Variants in POU6F2 observed in about 807,000 individuals in gnomAD.
POU6F2 encodes the protein POU class 6 homeobox 2.
POU6F2 carries 31 observed loss-of-function variants against 71.3 expected under a neutral mutation model. The observed-to-expected ratio is 0.43, with a 90% CI of 0.33 to 0.59. The LOEUF is 0.59. Among genes scored for constraint, POU6F2 ranks in the 20% least tolerant of loss-of-function variants. The pLI is 0.04. For missense variants in POU6F2, 783 were observed against 856.8 expected (o/e 0.91, Z 1.07); for synonymous variants, 347 against 355.7 (o/e 0.98, Z 0.27).
intron 3 of POU6F2, among the ~76,000 whole-genome samples, chr7:39,204,897 T>A (rs984418891): frequency 4.1e-5 from 6 of 144,640 alleles, no homozygotes; most frequent in Non-Finnish European, 7.5e-5. Flanking sequence ...TATAAAAGGC[T>A]GGGCTTTTTT....
chr7:39,086,136 G>A lies in POU6F2; in HGVS notation c.277+105G>A, dbSNP rs184152138. 5.7e-5 allele frequency: 67 copies of A among 1,180,026 alleles called. No individual in the cohort carries two copies. In the African/African-American group the frequency reaches 8.5e-4, roughly 15 times the overall value. The allele number at this position is 1,180,026 out of a possible 1,614,324, so 73.1% of individuals were successfully genotyped here. A position where few individuals can be genotyped will look rare whatever the true frequency, so the allele number is the denominator to read the frequency against. ...TTTCTGTTGTTCATTCAGTTTTCCC[G>A]TAAGTACTAAAAAGGAGCATCTTGG... On this transcript the variant is annotated intron_variant, in intron 2 of 9. Transcript: ENST00000518318.
chr7:39,017,813 C>CGTGTGTGTGT (rs70977447), intron 1 of POU6F2, among the ~76,000 whole-genome samples: 14,002 of 147,884 alleles, frequency 0.095, 725 homozygotes, highest in Non-Finnish European at 0.12. Flanking sequence ...ATTGTGCATG[C>CGTGTGTGTGT]GTGTGTGTGT....
At chr7:39,339,424 G>A (rs527940210) in intron 4 of POU6F2, among the ~76,000 whole-genome samples, 41 of 152,276 alleles carry the variant, frequency 2.7e-4, no homozygotes, top group Non-Finnish European at 5.3e-4. Flanking sequence ...TGCCTGATGT[G>A]TTATATGCTG....
At chr7:39,115,400 T>G (rs1292772914) in intron 2 of POU6F2, among the ~76,000 whole-genome samples, 1 of 152,204 alleles carries the variant, frequency 6.6e-6, no homozygotes, top group Non-Finnish European at 1.5e-5. Context: ...TCTCTGCTAC[T>G]TCTTTTCTGG....
At chr7:39,323,960 T>G (rs952174995) in intron 4 of POU6F2, among the ~76,000 whole-genome samples, 2 of 151,518 alleles carry the variant, frequency 1.3e-5, no homozygotes, top group African/African-American at 4.9e-5. Context: ...ATACAAAAAT[T>G]AGCCAGGCCT....
intron 4 of POU6F2, among the ~76,000 whole-genome samples, chr7:39,284,604 A>G (rs890129412): frequency 6.6e-6 from 1 of 152,348 alleles, no homozygotes; most frequent in East Asian, 1.9e-4. Context: ...AAATAGTAAT[A>G]TTGCCTTCTG....
intron 8 of POU6F2, among the ~76,000 whole-genome samples, chr7:39,453,705 G>A (rs1396859435): frequency 2.6e-5 from 4 of 152,184 alleles, no homozygotes; most frequent in African/African-American, 7.2e-5. Flanking sequence ...ATACTTTAAT[G>A]GGCCAGATAG....
At chr7:39,172,566 G>A in intron 2 of POU6F2, among the ~76,000 whole-genome samples, 1 of 117,276 alleles carries the variant, frequency 8.5e-6, no homozygotes, top group African/African-American at 3.4e-5. Flanking sequence ...TCATGTTTTA[G>A]AAAATTGAAG....
intron 4 of POU6F2, among the ~76,000 whole-genome samples, chr7:39,299,005 AG>A (rs1260112601): frequency 2.0e-5 from 3 of 150,620 alleles, no homozygotes; most frequent in Non-Finnish European, 4.4e-5. Context: ...AGGGCCTGTT[AG>A]GGGGTGGGGA....
At chr7:39,282,433 T>C (rs1349777503) in intron 4 of POU6F2, among the ~76,000 whole-genome samples, 2 of 152,224 alleles carry the variant, frequency 1.3e-5, no homozygotes, top group Non-Finnish European at 2.9e-5. Flanking sequence ...ATTTAAGTCT[T>C]TAATCCAGTT....
chr7:39,336,631 C>T (rs964378056), intron 4 of POU6F2, among the ~76,000 whole-genome samples: 2 of 152,144 alleles, frequency 1.3e-5, no homozygotes, highest in African/African-American at 4.8e-5. Context: ...CCTCTGTAAA[C>T]ATATCCAGAT....
intron 4 of POU6F2, among the ~76,000 whole-genome samples, chr7:39,252,399 G>GACAC (rs55738894): frequency 0.012 from 1,765 of 144,234 alleles, 11 homozygotes; most frequent in Middle Eastern, 0.028. Flanking sequence ...CAGACAGACA[G>GACAC]ACACACACAC....
chr7:39,336,379 A>T (rs1235351507), intron 4 of POU6F2, among the ~76,000 whole-genome samples: 1 of 152,094 alleles, frequency 6.6e-6, no homozygotes, highest in Admixed American at 6.5e-5. Flanking sequence ...TATTCTGGAC[A>T]TTTCATATGA....
At chr7:39,031,193 C>T (rs143150496) in intron 1 of POU6F2, among the ~76,000 whole-genome samples, 7 of 152,250 alleles carry the variant, frequency 4.6e-5, no homozygotes, top group African/African-American at 7.2e-5. Flanking sequence ...GCCACCGCGC[C>T]TGGCCAACTT....
At chr7:39,278,093 G>T (rs1415795959) in intron 4 of POU6F2, among the ~76,000 whole-genome samples, 1 of 68,586 alleles carries the variant, frequency 1.5e-5, no homozygotes, top group East Asian at 6.6e-4. Context: ...GAAAGAGAGG[G>T]AGGGAGGGAG....
intron 4 of POU6F2, among the ~76,000 whole-genome samples, chr7:39,239,619 T>C (rs915594953): frequency 6.6e-6 from 1 of 152,116 alleles, no homozygotes; most frequent in Non-Finnish European, 1.5e-5. Context: ...ATTGTGGACT[T>C]ATATCTGCCT....
chr7:39,098,546 G>A (rs1035704651), intron 2 of POU6F2, among the ~76,000 whole-genome samples: 1 of 151,982 alleles, frequency 6.6e-6, no homozygotes, highest in East Asian at 1.9e-4. Context: ...CTCTCAAACT[G>A]TTGGGATTAC....
intron 1 of POU6F2, chr7:39,013,485 C>T (rs2128704201): frequency 6.3e-6 from 1 of 159,814 alleles, no homozygotes; most frequent in Admixed American, 6.5e-5. Context: ...AATCACCCGT[C>T]TTCTGCGTCG....
At chr7:39,306,395 A>G (rs897254114) in intron 4 of POU6F2, among the ~76,000 whole-genome samples, 37 of 152,294 alleles carry the variant, frequency 2.4e-4, no homozygotes, top group African/African-American at 8.4e-4. Flanking sequence ...GCAGGTGGGT[A>G]TCATTAAGCT....
Sources: allele counts gnomAD v4.1 joint callset (sites outside exome capture counted in the v4.1 genomes callset), GRCh38; gene constraint gnomAD v4.1.1; transcripts MANE v1.5; gene names NCBI Gene and HGNC (gene_info 2026-07-23, HGNC 2026-07-21).